Variants in COL4A5 observed in about 807,000 individuals in gnomAD.
The protein encoded by COL4A5 is collagen alpha-5(IV) chain.
In COL4A5, 26 loss-of-function variants were observed where a neutral mutation model predicts 130.2. That is an observed-to-expected ratio of 0.20 (90% confidence interval 0.15 to 0.28). The LOEUF is 0.28. Ranked by LOEUF, COL4A5 falls within the 10% of genes least tolerant of loss-of-function variation. The probability of loss-of-function intolerance (pLI) is 1.00; values close to 1 mark genes in which losing one functional copy is unlikely to be tolerated. For missense variants in COL4A5, 1,131 were observed against 1,344.3 expected (o/e 0.84, Z 2.48); for synonymous variants, 496 against 439.6 (o/e 1.13, Z -1.60).
intron 22 of COL4A5, among the ~76,000 whole-genome samples, chrX:108,596,049 A>C (rs73528308): frequency 0.092 from 10,155 of 110,738 alleles, 1,088 homozygotes; most frequent in African/African-American, 0.3. Flanking sequence ...CTCTCTCTCT[A>C]TATATAACAC....
rs913356271 is a variant in COL4A5 at position 108,657,831 on chromosome X, A to G, written c.3373+2374A>G. Among the ~76,000 whole-genome samples, 4 of 111,698 alleles carry G rather than the reference A, an allele frequency of 3.6e-5. No individual in the cohort carries two copies. The East Asian group carries it at 1.1e-3, about 31-fold the overall frequency. On this transcript the variant is annotated intron_variant, in intron 37 of 52. Transcript: ENST00000328300. ...TGACCTAGGAATATTGAAATAATAT[A>G]TGAGAAAATTGCCAATTTCACTTTT...
chrX:108,669,888 A>T, intron 41 of COL4A5: 1 of 174,595 alleles, frequency 5.7e-6, no homozygotes, highest in Non-Finnish European at 1.1e-5. Flanking sequence ...TATTTCATAA[A>T]CTATAAATTA....
intron 1 of COL4A5, among the ~76,000 whole-genome samples, chrX:108,472,085 C>T (rs2147509426): frequency 9.0e-6 from 1 of 110,566 alleles, no homozygotes; most frequent in Non-Finnish European, 1.9e-5. Flanking sequence ...TTTGTAATTT[C>T]TTCTTTGACC....
chrX:108,639,319 A>C (rs2067414802), intron 36 of COL4A5, among the ~76,000 whole-genome samples: 1 of 111,160 alleles, frequency 9.0e-6, no homozygotes, highest in African/African-American at 3.3e-5. Context: ...GGGTAAAATG[A>C]ATGTCCATAT....
chrX:108,481,642 G>A (rs778385287), intron 1 of COL4A5, among the ~76,000 whole-genome samples: 13 of 111,323 alleles, frequency 1.2e-4, no homozygotes, highest in Non-Finnish European at 1.7e-4. Flanking sequence ...TGTCCATTAC[G>A]GTAGGTACAC....
intron 36 of COL4A5, among the ~76,000 whole-genome samples, chrX:108,647,478 G>T (rs560830199): frequency 9.0e-5 from 10 of 111,131 alleles, no homozygotes; most frequent in Middle Eastern, 4.6e-3. Flanking sequence ...AAGGAGATTT[G>T]GGGCTGAGAC....
In COL4A5 at chrX:108,626,472, G is replaced by T. The variant is rs762324627; in HGVS notation, c.3246+123G>T. On this transcript the variant is annotated intron_variant, in intron 36 of 52. Transcript: ENST00000328300. ...ATGACATAGTATATTCTGGATAAGA[G>T]ATTTATTCCTTTTCTTTTCTCTTAG... is the stretch of plus-strand genomic sequence containing the variant. 6.0e-6 allele frequency: 7 copies of T among 1,170,625 alleles called. No individual in the cohort carries two copies. The South Asian group carries it at 9.3e-5, about 16-fold the overall frequency.
At chrX:108,542,466 C>T (rs1301647722) in intron 2 of COL4A5, among the ~76,000 whole-genome samples, 1 of 111,198 alleles carries the variant, frequency 9.0e-6, no homozygotes, top group Admixed American at 9.5e-5. Flanking sequence ...CATAGTATTC[C>T]ATGGTGCGTA....
intron 37 of COL4A5, among the ~76,000 whole-genome samples, chrX:108,664,042 G>T (rs774762502): frequency 9.0e-6 from 1 of 111,252 alleles, no homozygotes; most frequent in Non-Finnish European, 1.9e-5. Context: ...GAAATTAGCC[G>T]GGCATGGTGG....
chrX:108,616,343 C>G (rs1334670965), intron 30 of COL4A5, among the ~76,000 whole-genome samples: 1 of 110,360 alleles, frequency 9.1e-6, no homozygotes, highest in African/African-American at 3.3e-5. Flanking sequence ...TCAAACGATT[C>G]TCCTGCCTCA....
intron 2 of COL4A5, among the ~76,000 whole-genome samples, chrX:108,541,046 T>C (rs2065532431): frequency 1.8e-5 from 2 of 111,805 alleles, no homozygotes; most frequent in African/African-American, 6.5e-5. Context: ...TACTTAGAGG[T>C]ATAGAAGGTA....
chrX:108,658,606 G>T (rs996785582), intron 37 of COL4A5, among the ~76,000 whole-genome samples: 7 of 111,175 alleles, frequency 6.3e-5, no homozygotes, highest in Admixed American at 3.8e-4. Context: ...TTACTATTCA[G>T]ATGATTTATT....
chrX:108,601,840 C>G (rs1276911189), intron 26 of COL4A5, 45 bp from the exon 27 acceptor site: 1 of 823,984 alleles, frequency 1.2e-6, no homozygotes, highest in African/African-American at 2.1e-5. Context: ...CTGATGGCTT[C>G]TTTCTTTGAA....
At chrX:108,470,058 C>T (rs2064749517) in intron 1 of COL4A5, among the ~76,000 whole-genome samples, 1 of 112,082 alleles carries the variant, frequency 8.9e-6, no homozygotes, top group Middle Eastern at 4.6e-3. Flanking sequence ...AGGTTGATTC[C>T]ATGTCTTTGC....
chrX:108,522,364 C>T (rs186263292), intron 1 of COL4A5, among the ~76,000 whole-genome samples: 1,288 of 106,388 alleles, frequency 0.012, 16 homozygotes, highest in South Asian at 0.025. Flanking sequence ...AACTGCCCGA[C>T]TTTTATAAAG....
chrX:108,655,048 GTC>G (rs1402058378), intron 36 of COL4A5, among the ~76,000 whole-genome samples: 1 of 111,686 alleles, frequency 9.0e-6, no homozygotes, highest in Admixed American at 9.5e-5. Context: ...GGGCTATGTA[GTC>G]TGATTGGCTA....
rs56676245 is a variant in COL4A5, at chrX:108,584,073, T to TAA, written c.991-390_991-389dup. Among the ~76,000 whole-genome samples the TAA allele has an allele frequency of 7.7e-3, 443 of 57,470 alleles. 4 individuals carry two copies. The highest frequency in any genetic ancestry group is 0.032 in the East Asian group (67 of 2,115). The allele number at this position is 57,470 out of a possible 115,157, so 49.9% of individuals were successfully genotyped here. A position where few individuals can be genotyped will look rare whatever the true frequency, so the allele number is the denominator to read the frequency against. On this transcript the variant is annotated intron_variant, in intron 17 of 52. Coordinates refer to ENST00000328300, the MANE Select transcript of COL4A5 (RefSeq NM_033380.3). ...TTATGAGAAGAAACATGGCTAAATG[T>TAA]AAAAAAAAAAAAAAAAAAAAAAGTA...
rs1052672092 is a variant in COL4A5 at position 108,485,310 on chromosome X, G to A, written c.81+45104G>A. 4.5e-5 allele frequency among the ~76,000 whole-genome samples: 5 copies of A among 111,745 alleles called. No individual in the cohort carries two copies. In the Admixed American group the frequency reaches 4.7e-4, roughly 11 times the overall value. On this transcript the variant is annotated intron_variant, in intron 1 of 52. Transcript: ENST00000328300. ...GTTGTACCCCACTGTGGCAGAGTTG[G>A]TACCTAAAGTGCAAGCCGAAGTCCC...
rs1464175273 is a variant in COL4A5 at position 108,571,791 on chromosome X, C to A, written c.439-20C>A. The A allele has an allele frequency of 1.8e-6, 2 of 1,128,479 alleles. No individual in the cohort carries two copies. The highest frequency in any genetic ancestry group is 3.7e-5 in the South Asian group (2 of 54,355). The allele number at this position is 1,128,479 out of a possible 1,213,427, so 93.0% of individuals were successfully genotyped here. A position where few individuals can be genotyped will look rare whatever the true frequency, so the allele number is the denominator to read the frequency against. On this transcript the variant is annotated intron_variant, in intron 7 of 52. Transcript: ENST00000328300. The stretch of plus-strand genomic sequence containing the variant: ...TCTCTCTCATACATATAAAATAATC[C>A]CTTTTCTTTTTAATAATAGGGACCC...
Sources: gnomAD v4.1 joint callset for allele counts (sites outside exome capture counted in the v4.1 genomes callset) on GRCh38, gnomAD v4.1.1 for gene constraint, MANE v1.5 for transcripts, NCBI Gene and HGNC (gene_info 2026-07-23, HGNC 2026-07-21) for gene names.